STT3B: variants seen among roughly 807,000 people sequenced by gnomAD.
STT3B encodes STT3 oligosaccharyltransferase complex catalytic subunit B.
In STT3B, 29 loss-of-function variants were observed where a neutral mutation model predicts 96.8. The observed-to-expected ratio is 0.30, with a 90% CI of 0.22 to 0.41. STT3B has a LOEUF of 0.41. Ranked by LOEUF, STT3B falls within the 10% of genes least tolerant of loss-of-function variation. The pLI, the probability that STT3B is intolerant of heterozygous loss-of-function variation, is 1.00. For missense variants in STT3B, 640 were observed against 1,022.3 expected (o/e 0.63, Z 5.10); for synonymous variants, 367 against 360.0 (o/e 1.02, Z -0.22).
intron 1 of STT3B, among the ~76,000 whole-genome samples, chr3:31,543,242 G>A (rs1367773761): frequency 1.3e-5 from 2 of 152,050 alleles, no homozygotes; most frequent in African/African-American, 4.8e-5. Flanking sequence ...CCATTTTGAA[G>A]ATTTTAACAC....
intron 13 of STT3B, among the ~76,000 whole-genome samples, chr3:31,628,124 A>G (rs1456803311): frequency 6.8e-6 from 1 of 147,570 alleles, no homozygotes. Flanking sequence ...TGATTGATGC[A>G]TATGTTAATT....
chr3:31,535,127 A>G (rs1476789591), intron 1 of STT3B, among the ~76,000 whole-genome samples: 4 of 149,564 alleles, frequency 2.7e-5, no homozygotes, highest in East Asian at 2.0e-4. Context: ...ATGGAAGGCT[A>G]ACGACTGTTT....
At chr3:31,593,397 T>G (rs532359055) in intron 3 of STT3B, among the ~76,000 whole-genome samples, 1 of 152,160 alleles carries the variant, frequency 6.6e-6, no homozygotes, top group African/African-American at 2.4e-5. Context: ...TATCTGCCAG[T>G]ACTTTGACTA....
chr3:31,618,039 C>A, intron 8 of STT3B, 51 bp downstream of exon 8: 1 of 1,253,948 alleles, frequency 8.0e-7, no homozygotes, highest in Non-Finnish European at 1.2e-6. Context: ...TACTGCTTTT[C>A]CTTTGTTTTT....
chr3:31,625,194 T>C, intron 12 of STT3B, 109 bp downstream of exon 12: 1 of 965,556 alleles, frequency 1.0e-6, no homozygotes, highest in Middle Eastern at 2.3e-4. Context: ...CTCTGCTGAA[T>C]TCTCAAAATA....
chr3:31,552,275 T>C (rs1559362141), intron 1 of STT3B, among the ~76,000 whole-genome samples: 1 of 152,190 alleles, frequency 6.6e-6, no homozygotes, highest in Non-Finnish European at 1.5e-5. Flanking sequence ...TCTCATGTAA[T>C]CAAAAAATAT....
At chr3:31,554,514 T>C (rs1215060158) in intron 1 of STT3B, among the ~76,000 whole-genome samples, 2 of 152,154 alleles carry the variant, frequency 1.3e-5, no homozygotes, top group Non-Finnish European at 2.9e-5. Flanking sequence ...AAGATAAGTG[T>C]GTAGATAGTC....
chr3:31,534,601 G>A (rs1697038330), intron 1 of STT3B, among the ~76,000 whole-genome samples: 1 of 152,136 alleles, frequency 6.6e-6, no homozygotes, highest in Non-Finnish European at 1.5e-5. Context: ...TAAGTGTTCG[G>A]GTGGAGGGGG....
At chr3:31,605,330 T>G (rs949894521) in intron 5 of STT3B, among the ~76,000 whole-genome samples, 6 of 151,458 alleles carry the variant, frequency 4.0e-5, no homozygotes, top group African/African-American at 9.7e-5. Context: ...GTAATAGGTG[T>G]TTTTTTTTAT....
intron 10 of STT3B, 61 bp downstream of exon 10, chr3:31,622,369 A>T (rs2125475874): frequency 1.5e-6 from 2 of 1,349,044 alleles, no homozygotes; most frequent in East Asian, 4.8e-5. Context: ...TTTCCACCAC[A>T]GTAAGAACTA....
intron 5 of STT3B, among the ~76,000 whole-genome samples, chr3:31,612,052 T>G (rs1003136859): frequency 1.3e-5 from 2 of 152,172 alleles, no homozygotes; most frequent in African/African-American, 4.8e-5. Flanking sequence ...TACTCCTAAT[T>G]TGAAAATTCA....
At chr3:31,563,456 T>TAA (rs1446208807) in intron 1 of STT3B, among the ~76,000 whole-genome samples, 1 of 152,142 alleles carries the variant, frequency 6.6e-6, no homozygotes, top group Non-Finnish European at 1.5e-5. Context: ...AACAAGTAAA[T>TAA]AAAAAGATCA....
intron 1 of STT3B, among the ~76,000 whole-genome samples, chr3:31,548,190 A>C (rs186659016): frequency 1.3e-5 from 2 of 152,294 alleles, no homozygotes; most frequent in African/African-American, 4.8e-5. Context: ...TTCTTGCCTA[A>C]GAAGTAAACT....
chr3:31,634,175 A>C (rs1243080635), intron 15 of STT3B, among the ~76,000 whole-genome samples: 4 of 152,240 alleles, frequency 2.6e-5, no homozygotes, highest in Non-Finnish European at 4.4e-5. Flanking sequence ...TAGTCATATG[A>C]AACTCATTAT....
chr3:31,626,829 C>T (rs1053544041), intron 13 of STT3B, among the ~76,000 whole-genome samples: 4 of 152,142 alleles, frequency 2.6e-5, no homozygotes, highest in African/African-American at 7.2e-5. Flanking sequence ...TCTGATAAAA[C>T]ATTAGTATAA....
chr3:31,578,885 A>C (rs144009714), intron 2 of STT3B, among the ~76,000 whole-genome samples: 1 of 152,262 alleles, frequency 6.6e-6, no homozygotes, highest in African/African-American at 2.4e-5. Flanking sequence ...AAAGCAAGAG[A>C]GTTAAAGACG....
At chr3:31,621,866 CAT>C (rs1479977522) in intron 9 of STT3B, among the ~76,000 whole-genome samples, 1 of 152,138 alleles carries the variant, frequency 6.6e-6, no homozygotes, top group Non-Finnish European at 1.5e-5. Context: ...AAATTTGAAT[CAT>C]ATACATTTTT....
At chr3:31,564,536 G>T (rs780162675) in intron 1 of STT3B, among the ~76,000 whole-genome samples, 1 of 152,144 alleles carries the variant, frequency 6.6e-6, no homozygotes, top group Non-Finnish European at 1.5e-5. Context: ...TTGTCATAAA[G>T]ATCAAATTAT....
At chr3:31,559,607 G>T (rs1697818897) in intron 1 of STT3B, among the ~76,000 whole-genome samples, 1 of 151,834 alleles carries the variant, frequency 6.6e-6, no homozygotes, top group South Asian at 2.1e-4. Context: ...GACTTGTTTT[G>T]TGTTCTATTG....
Sources: allele counts gnomAD v4.1 joint callset (sites outside exome capture counted in the v4.1 genomes callset), GRCh38; gene constraint gnomAD v4.1.1; transcripts MANE v1.5; gene names NCBI Gene and HGNC (gene_info 2026-07-23, HGNC 2026-07-21).